AP4S1: variants seen among roughly 807,000 people sequenced by gnomAD.
The protein encoded by AP4S1 is adaptor related protein complex 4 subunit sigma 1, also known as AP-4 complex subunit sigma-1.
Under a neutral mutation model 19.8 loss-of-function variants are expected in AP4S1, and 23 were observed. The ratio of observed to expected loss-of-function variants is 1.16; its 90% CI spans 0.84 to 1.65. AP4S1 has a LOEUF of 1.65. Ranked by LOEUF, AP4S1 falls within the 40% of genes most tolerant of loss-of-function variation. The pLI is 0.00. For synonymous variants in AP4S1, 46 were observed against 54.1 expected, an observed-to-expected ratio of 0.85 and a Z score of 0.66; for missense variants, 166 against 172.8, an observed-to-expected ratio of 0.96 and a Z score of 0.22.
intron 4 of AP4S1, among the ~76,000 whole-genome samples, chr14:31,079,777 G>T (rs773913254): frequency 6.6e-6 from 1 of 152,134 alleles, no homozygotes; most frequent in Non-Finnish European, 1.5e-5. Flanking sequence ...AATGAACCAA[G>T]ATCATGCCAC....
chr14:31,089,150 A>T (rs552038528), intron 5 of AP4S1, among the ~76,000 whole-genome samples: 71 of 147,892 alleles, frequency 4.8e-4, no homozygotes, highest in African/African-American at 1.8e-3. Context: ...ACAGAGTAAG[A>T]CTTTGTCTTA....
intron 1 of AP4S1, among the ~76,000 whole-genome samples, chr14:31,036,070 GATA>G (rs1884754400): frequency 6.6e-6 from 1 of 150,942 alleles, no homozygotes; most frequent in African/African-American, 2.4e-5. Context: ...CCCACATTTG[GATA>G]ATTACAATTA....
chr14:31,087,673 T>G (rs11156657), intron 5 of AP4S1, among the ~76,000 whole-genome samples: 1 of 151,926 alleles, frequency 6.6e-6, no homozygotes, highest in Admixed American at 6.6e-5. Flanking sequence ...ACATATTTTT[T>G]AAAAATTAAT....
chr14:31,080,535 C>G (rs576533485), intron 4 of AP4S1, 38 bp from the exon 5 acceptor site: 6 of 1,552,658 alleles, frequency 3.9e-6, no homozygotes, highest in Non-Finnish European at 4.4e-6. Flanking sequence ...TCCCCAGTGT[C>G]TTTTTTCTAA....
intron 3 of AP4S1, 71 bp downstream of exon 3, chr14:31,070,000 C>A: frequency 7.5e-7 from 1 of 1,329,118 alleles, no homozygotes. Context: ...AATTATGACT[C>A]TCTTGATTTT....
At chr14:31,084,856 G>T in intron 5 of AP4S1, 1 of 1,614,176 alleles carries the variant, frequency 6.2e-7, no homozygotes, top group Non-Finnish European at 8.5e-7. Context: ...ATTCAAAGGA[G>T]CTGCCTCCAC....
chr14:31,056,355 T>TC (rs1886114611), intron 1 of AP4S1, among the ~76,000 whole-genome samples: 1 of 151,822 alleles, frequency 6.6e-6, no homozygotes, highest in Non-Finnish European at 1.5e-5. Flanking sequence ...TTGTTTTTTT[T>TC]CTTTTCTTTC....
chr14:31,038,820 A>G (rs369482193), intron 1 of AP4S1, among the ~76,000 whole-genome samples: 19 of 152,286 alleles, frequency 1.2e-4, no homozygotes, highest in African/African-American at 4.1e-4. Context: ...AGCACTTCCT[A>G]TTGTTATTAT....
At chr14:31,071,922 A>T (rs376378434) in intron 3 of AP4S1, among the ~76,000 whole-genome samples, 1 of 148,474 alleles carries the variant, frequency 6.7e-6, no homozygotes, top group African/African-American at 2.5e-5. Context: ...TATTTATTTG[A>T]TTTTTTTTGG....
chr14:31,074,830 C>CT (rs1887270489), intron 4 of AP4S1, among the ~76,000 whole-genome samples: 1 of 151,642 alleles, frequency 6.6e-6, no homozygotes, highest in South Asian at 2.1e-4. Context: ...TCATTATCCC[C>CT]TCCACCCACA....
At position 31,054,859 on chromosome 14, in the gene AP4S1, C is replaced by T. The variant is rs1295214120; in HGVS notation, c.-71-11267C>T. 1.3e-4 allele frequency among the ~76,000 whole-genome samples: 13 copies of T among 96,750 alleles called. No homozygotes were observed. In the East Asian group the frequency reaches 3.3e-3, roughly 24 times the overall value. The allele number at this position is 96,750 out of a possible 152,430, so 63.5% of individuals were successfully genotyped here. A position where few individuals can be genotyped will look rare whatever the true frequency, so the allele number is the denominator to read the frequency against. Reference sequence around the variant, plus strand: ...CTGTAGCCTGGGTGATAGAGCAAGACTCTGTCTCAAAAAAAAAAAAAAAAA... The same window carrying T: ...CTGTAGCCTGGGTGATAGAGCAAGATTCTGTCTCAAAAAAAAAAAAAAAAA... On this transcript the variant is annotated intron_variant, in intron 1 of 5. Coordinates refer to ENST00000542754, the MANE Select transcript of AP4S1 (RefSeq NM_001128126.3).
chr14:31,031,106 T>C (rs947405307), intron 1 of AP4S1, among the ~76,000 whole-genome samples: 14 of 152,160 alleles, frequency 9.2e-5, no homozygotes, highest in Admixed American at 3.9e-4. Context: ...TCTTCTCCCT[T>C]CAATTTCTCC....
At chr14:31,039,123 C>T (rs535573563) in intron 1 of AP4S1, among the ~76,000 whole-genome samples, 80 of 152,188 alleles carry the variant, frequency 5.3e-4, no homozygotes, top group African/African-American at 1.8e-3. Context: ...CCACCGCAGC[C>T]TCCCAAAGCA....
At chr14:31,073,313 A>AC (rs1286519844) in intron 4 of AP4S1, 8 of 230,488 alleles carry the variant, frequency 3.5e-5, no homozygotes, top group Non-Finnish European at 5.2e-5. Flanking sequence ...ATACGGTGAA[A>AC]CCCCGTCTCT....
At chr14:31,049,320 A>G (rs1444501851) in intron 1 of AP4S1, among the ~76,000 whole-genome samples, 1 of 149,184 alleles carries the variant, frequency 6.7e-6, no homozygotes, top group Non-Finnish European at 1.5e-5. Flanking sequence ...AGGCTGAGGC[A>G]GGAGAATGGT....
chr14:31,034,030 A>C (rs568930875), intron 1 of AP4S1, among the ~76,000 whole-genome samples: 44 of 152,360 alleles, frequency 2.9e-4, no homozygotes, highest in African/African-American at 1.1e-3. Flanking sequence ...GTCTGTAAAC[A>C]TAAGAGCAAA....
At chr14:31,036,672 T>C (rs898643780) in intron 1 of AP4S1, among the ~76,000 whole-genome samples, 7 of 152,210 alleles carry the variant, frequency 4.6e-5, no homozygotes, top group African/African-American at 1.7e-4. Flanking sequence ...CTTGCAGTCC[T>C]TGGCAACAGG....
At chr14:31,074,828 C>G (rs1218438497) in intron 4 of AP4S1, among the ~76,000 whole-genome samples, 4 of 151,284 alleles carry the variant, frequency 2.6e-5, no homozygotes, top group African/African-American at 9.7e-5. Context: ...CCTCATTATC[C>G]CCTCCACCCA....
intron 1 of AP4S1, among the ~76,000 whole-genome samples, chr14:31,037,006 G>T (rs1478085314): frequency 6.6e-6 from 1 of 150,982 alleles, no homozygotes; most frequent in Non-Finnish European, 1.5e-5. Context: ...TAGAGACAGG[G>T]TTTCACCATC....
Sources: gnomAD v4.1 joint callset for allele counts (sites outside exome capture counted in the v4.1 genomes callset) on GRCh38, gnomAD v4.1.1 for gene constraint, MANE v1.5 for transcripts, NCBI Gene and HGNC (gene_info 2026-07-23, HGNC 2026-07-21) for gene names.